Variants in MAGI2 observed in about 807,000 individuals in gnomAD.
The protein encoded by MAGI2 is membrane associated guanylate kinase, WW and PDZ domain containing 2.
MAGI2 carries 35 observed loss-of-function variants against 133.3 expected under a neutral mutation model. That is an observed-to-expected ratio of 0.26 (90% CI 0.20 to 0.35). The LOEUF (loss-of-function observed/expected upper bound fraction) is 0.35. MAGI2 is among the 10% of genes least tolerant of loss of function. MAGI2 has a pLI of 1.00. For missense variants in MAGI2, 1,636 were observed against 1,863.4 expected, an observed-to-expected ratio of 0.88 and a Z score of 2.25; for synonymous variants, 729 against 710.6, an observed-to-expected ratio of 1.03 and a Z score of -0.41.
At chr7:79,308,913 T>C (rs1281052315) in intron 1 of MAGI2, among the ~76,000 whole-genome samples, 2 of 152,170 alleles carry the variant, frequency 1.3e-5, no homozygotes, top group Non-Finnish European at 2.9e-5. Flanking sequence ...CCTAGAATAC[T>C]AATAACCTCA....
At chr7:78,235,075 A>G (rs1157064545) in intron 10 of MAGI2, among the ~76,000 whole-genome samples, 2 of 152,160 alleles carry the variant, frequency 1.3e-5, no homozygotes, top group African/African-American at 4.8e-5. Context: ...TTTGCTTTTT[A>G]AAAAAGTCTC....
At chr7:78,314,584 C>T (rs527892520) in intron 9 of MAGI2, among the ~76,000 whole-genome samples, 3 of 152,252 alleles carry the variant, frequency 2.0e-5, no homozygotes, top group Admixed American at 6.5e-5. Context: ...CTATTAGTAA[C>T]AGTTTAAGAG....
At chr7:78,328,502 A>AACACACACACAC (rs1554346526) in intron 9 of MAGI2, among the ~76,000 whole-genome samples, 1,331 of 105,126 alleles carry the variant, frequency 0.013, 19 homozygotes, top group African/African-American at 0.015. Flanking sequence ...CCAGCTCTAA[A>AACACACACACAC]ACACACACAC....
At chr7:78,758,677 C>T (rs933494027) in intron 2 of MAGI2, among the ~76,000 whole-genome samples, 1 of 152,178 alleles carries the variant, frequency 6.6e-6, no homozygotes, top group African/African-American at 2.4e-5. Flanking sequence ...TCTTTTTGCT[C>T]TACACATTGC....
chr7:78,627,261 C>T, intron 2 of MAGI2, 22 bp from the exon 3 acceptor site: 1 of 1,508,148 alleles, frequency 6.6e-7, no homozygotes, highest in Non-Finnish European at 8.8e-7. Flanking sequence ...AAAGTAAAAA[C>T]AAAAGAAAGA....
chr7:79,162,746 T>C (rs1397850164), intron 1 of MAGI2, among the ~76,000 whole-genome samples: 1 of 152,144 alleles, frequency 6.6e-6, no homozygotes, highest in East Asian at 1.9e-4. Flanking sequence ...TAGATACATA[T>C]TTTAAAATTC....
At chr7:78,401,756 G>C (rs1257014990) in intron 6 of MAGI2, among the ~76,000 whole-genome samples, 1 of 152,032 alleles carries the variant, frequency 6.6e-6, no homozygotes, top group East Asian at 1.9e-4. Flanking sequence ...TAGAATTTAA[G>C]ATAAATAAGT....
chr7:78,046,148 C>A (rs1174170165), intron 21 of MAGI2, among the ~76,000 whole-genome samples: 1 of 151,348 alleles, frequency 6.6e-6, no homozygotes, highest in East Asian at 1.9e-4. Flanking sequence ...GTCATCCCAG[C>A]ACTTTGGGAG....
At chr7:79,014,131 GA>G (rs1808451619) in intron 1 of MAGI2, among the ~76,000 whole-genome samples, 1 of 152,098 alleles carries the variant, frequency 6.6e-6, no homozygotes, top group Admixed American at 6.6e-5. Context: ...CTATTTCAGA[GA>G]AAATGACAGA....
intron 2 of MAGI2, among the ~76,000 whole-genome samples, chr7:78,752,833 A>G (rs540066255): frequency 2.0e-4 from 31 of 152,314 alleles, no homozygotes; most frequent in African/African-American, 6.7e-4. Flanking sequence ...CAAATTCTGC[A>G]TTTAAATTCT....
At chr7:79,065,683 G>T (rs566570451) in intron 1 of MAGI2, among the ~76,000 whole-genome samples, 1 of 151,998 alleles carries the variant, frequency 6.6e-6, no homozygotes, top group Non-Finnish European at 1.5e-5. Context: ...TCTACATTAA[G>T]TATTTCTCCT....
intron 10 of MAGI2, among the ~76,000 whole-genome samples, chr7:78,208,894 A>G (rs919446812): frequency 6.6e-6 from 1 of 151,902 alleles, no homozygotes; most frequent in Admixed American, 6.5e-5. Context: ...AGTGTTCCTT[A>G]TTTTGGGAAA....
intron 1 of MAGI2, among the ~76,000 whole-genome samples, chr7:79,118,960 T>G (rs1021603420): frequency 3.3e-5 from 5 of 152,176 alleles, no homozygotes; most frequent in African/African-American, 1.2e-4. Context: ...GTAGATTCAA[T>G]TAAGTAGAAG....
intron 1 of MAGI2, among the ~76,000 whole-genome samples, chr7:79,330,091 G>A (rs559373339): frequency 2.0e-5 from 3 of 146,472 alleles, no homozygotes; most frequent in South Asian, 2.2e-4. Context: ...TATCCAAATA[G>A]GAAGAAAGGA....
intron 2 of MAGI2, among the ~76,000 whole-genome samples, chr7:78,632,365 T>C (rs1033474434): frequency 1.3e-5 from 2 of 152,154 alleles, no homozygotes; most frequent in African/African-American, 4.8e-5. Context: ...GCTTAGACAG[T>C]ATGGAGAAAA....
chr7:78,968,121 G>A (rs1288547798), intron 2 of MAGI2, among the ~76,000 whole-genome samples: 16 of 152,030 alleles, frequency 1.1e-4, no homozygotes, highest in Admixed American at 6.6e-5. Context: ...GTGAGCCACC[G>A]CACCCTGCCT....
chr7:78,312,465 G>T (rs969076268), intron 9 of MAGI2, among the ~76,000 whole-genome samples: 2 of 152,094 alleles, frequency 1.3e-5, no homozygotes, highest in African/African-American at 4.8e-5. Flanking sequence ...GGGATAATTT[G>T]CAAACTATGC....
chr7:79,410,748 C>G (rs1309013174), intron 1 of MAGI2: 1 of 152,104 alleles, frequency 6.6e-6, no homozygotes, highest in African/African-American at 2.4e-5. Context: ...AAAAAAATTA[C>G]TTTCCAACTT....
At chr7:79,008,391 A>G (rs1325379242) in intron 1 of MAGI2, among the ~76,000 whole-genome samples, 4 of 152,154 alleles carry the variant, frequency 2.6e-5, no homozygotes, top group Non-Finnish European at 4.4e-5. Flanking sequence ...TAACATTTCT[A>G]AAGTTTTCAA....
Sources: allele counts gnomAD v4.1 joint callset (sites outside exome capture counted in the v4.1 genomes callset), GRCh38; gene constraint gnomAD v4.1.1; transcripts MANE v1.5; gene names NCBI Gene and HGNC (gene_info 2026-07-23, HGNC 2026-07-21).